DCC: variants seen among roughly 807,000 people sequenced by gnomAD.
DCC encodes the protein netrin receptor DCC.
Under a neutral mutation model 172.5 loss-of-function variants are expected in DCC, and 58 were observed. The observed-to-expected ratio is 0.34, with a 90% CI of 0.27 to 0.42. DCC has a LOEUF of 0.42. Among genes scored for constraint, DCC ranks in the 10% least tolerant of loss-of-function variants. The probability of loss-of-function intolerance (pLI) is 1.00; values close to 1 mark genes in which losing one functional copy is unlikely to be tolerated. For missense variants in DCC, 1,740 were observed against 1,791.0 expected, an observed-to-expected ratio of 0.97 and a Z score of 0.51; for synonymous variants, 709 against 644.5, an observed-to-expected ratio of 1.10 and a Z score of -1.52.
In DCC at chr18:52,429,731, T is replaced by C. The variant is rs149236270; in HGVS notation, c.91+88853T>C. On this transcript the variant is annotated intron_variant, in intron 1 of 28. Transcript: ENST00000442544. ...CACTCATCCAAACAAAGCTCCATTA[T>C]AACAAATCTTAATTTCTATCCAACT... Among the ~76,000 whole-genome samples the C allele has an allele frequency of 1.1e-4, 17 of 152,310 alleles. No homozygotes were observed. In the East Asian group the frequency reaches 3.3e-3, roughly 29 times the overall value.
At chr18:52,506,159 T>G (rs2031223469) in intron 1 of DCC, among the ~76,000 whole-genome samples, 1 of 152,188 alleles carries the variant, frequency 6.6e-6, no homozygotes, top group Non-Finnish European at 1.5e-5. Context: ...ATTTTAATTT[T>G]CTATAATTAT....
intron 21 of DCC, among the ~76,000 whole-genome samples, chr18:53,417,106 T>G (rs1307791159): frequency 6.6e-6 from 1 of 152,176 alleles, no homozygotes; most frequent in Non-Finnish European, 1.5e-5. Flanking sequence ...CAAACGTGTC[T>G]CATAAGGCAC....
At chr18:52,502,291 G>A (rs1338701830) in intron 1 of DCC, among the ~76,000 whole-genome samples, 1 of 151,996 alleles carries the variant, frequency 6.6e-6, no homozygotes, top group Admixed American at 6.6e-5. Context: ...ACCTCTGCAG[G>A]GACAAGAATA....
chr18:52,517,280 T>C (rs113747044), intron 1 of DCC, among the ~76,000 whole-genome samples: 2,012 of 152,364 alleles, frequency 0.013, 17 homozygotes, highest in Non-Finnish European at 0.02. Flanking sequence ...AGGATCTTTC[T>C]CGATAGCTGC....
At chr18:53,290,505 T>C (rs1451970861) in intron 12 of DCC, among the ~76,000 whole-genome samples, 1 of 152,178 alleles carries the variant, frequency 6.6e-6, no homozygotes, top group Non-Finnish European at 1.5e-5. Context: ...CCCATGTAAT[T>C]ACATGGTACA....
intron 13 of DCC, among the ~76,000 whole-genome samples, chr18:53,310,209 T>C (rs1568046831): frequency 1.3e-5 from 2 of 151,996 alleles, no homozygotes; most frequent in Admixed American, 6.6e-5. Flanking sequence ...TGGCTTTGGT[T>C]TAGACATGTC....
chr18:52,502,872 C>A (rs2031085127), intron 1 of DCC, among the ~76,000 whole-genome samples: 1 of 152,174 alleles, frequency 6.6e-6, no homozygotes, highest in South Asian at 2.1e-4. Context: ...TCCAAATATA[C>A]CAAAACATTT....
chr18:52,969,838 G>T (rs1429402186), intron 5 of DCC, among the ~76,000 whole-genome samples: 1 of 152,066 alleles, frequency 6.6e-6, no homozygotes, highest in African/African-American at 2.4e-5. Flanking sequence ...GAAGACATAT[G>T]ACTGGTTTCA....
chr18:52,662,318 C>T (rs1026301727), intron 1 of DCC, among the ~76,000 whole-genome samples: 7 of 152,034 alleles, frequency 4.6e-5, no homozygotes, highest in African/African-American at 1.7e-4. Flanking sequence ...TAGACAAAAC[C>T]AGAAAGCAGA....
At chr18:52,623,028 T>C (rs1395649431) in intron 1 of DCC, among the ~76,000 whole-genome samples, 8 of 152,214 alleles carry the variant, frequency 5.3e-5, no homozygotes, top group Admixed American at 5.2e-4. Flanking sequence ...TTTCTTATCC[T>C]CTAACCAGGG....
intron 1 of DCC, among the ~76,000 whole-genome samples, chr18:52,634,388 A>G (rs1231467858): frequency 2.6e-5 from 4 of 152,206 alleles, no homozygotes; most frequent in Admixed American, 6.5e-5. Context: ...ATTTTTGTAA[A>G]TTCATTACCA....
At chr18:52,804,686 CAGG>C (rs993200992) in intron 2 of DCC, among the ~76,000 whole-genome samples, 8 of 152,292 alleles carry the variant, frequency 5.3e-5, no homozygotes, top group Admixed American at 1.3e-4. Flanking sequence ...CCTGCTTGAA[CAGG>C]AGAATTCTCT....
chr18:53,061,206 C>G (rs1369564017), intron 5 of DCC, among the ~76,000 whole-genome samples: 1 of 152,068 alleles, frequency 6.6e-6, no homozygotes, highest in East Asian at 1.9e-4. Flanking sequence ...AAATCCAGCC[C>G]AATCTGGCTC....
At chr18:52,764,345 T>C (rs957516184) in intron 2 of DCC, among the ~76,000 whole-genome samples, 3 of 152,240 alleles carry the variant, frequency 2.0e-5, no homozygotes, top group African/African-American at 7.2e-5. Flanking sequence ...ATCTCATCCA[T>C]GTCCTGGGTT....
intron 1 of DCC, among the ~76,000 whole-genome samples, chr18:52,509,713 T>C (rs2031365077): frequency 6.6e-6 from 1 of 152,244 alleles, no homozygotes; most frequent in African/African-American, 2.4e-5. Context: ...ATTTAGGATC[T>C]TGTGGCCTTA....
chr18:52,704,115 T>C (rs958798082), intron 1 of DCC, among the ~76,000 whole-genome samples: 1 of 139,748 alleles, frequency 7.2e-6, no homozygotes, highest in Non-Finnish European at 1.5e-5. Flanking sequence ...AAGTAGTTTG[T>C]AGGTATGAAA....
chr18:52,782,555 C>T (rs1267545245), intron 2 of DCC, among the ~76,000 whole-genome samples: 2 of 152,132 alleles, frequency 1.3e-5, no homozygotes, highest in Non-Finnish European at 2.9e-5. Context: ...TTCTTGCATA[C>T]ATACTCACCC....
At chr18:53,505,912 TTTG>T (rs1212895762) in intron 27 of DCC, among the ~76,000 whole-genome samples, 1 of 152,210 alleles carries the variant, frequency 6.6e-6, no homozygotes, top group Non-Finnish European at 1.5e-5. Flanking sequence ...CTGTATAGAT[TTTG>T]TTGTTGTTTT....
chr18:52,885,022 C>T (rs1250364028), intron 2 of DCC, among the ~76,000 whole-genome samples: 1 of 152,142 alleles, frequency 6.6e-6, no homozygotes, highest in Non-Finnish European at 1.5e-5. Flanking sequence ...ATTTCTCTTT[C>T]TGTGCAGAGT....
Sources: gnomAD v4.1 joint callset for allele counts (sites outside exome capture counted in the v4.1 genomes callset) on GRCh38, gnomAD v4.1.1 for gene constraint, MANE v1.5 for transcripts, NCBI Gene and HGNC (gene_info 2026-07-23, HGNC 2026-07-21) for gene names.